The following DENND1B variants were observed in gnomAD, a reference collection of about 807,000 sequenced individuals.
DENND1B encodes the protein DENN domain-containing protein 1B.
A neutral mutation model predicts 90.1 loss-of-function variants in DENND1B; 59 were observed. The ratio of observed to expected loss-of-function variants is 0.65; its 90% confidence interval spans 0.53 to 0.81. The LOEUF (loss-of-function observed/expected upper bound fraction) is 0.81. Ranked by LOEUF, DENND1B falls within the 40% of genes least tolerant of loss-of-function variation. The pLI is 0.00. For missense variants in DENND1B, 862 were observed against 912.6 expected, an observed-to-expected ratio of 0.94 and a Z score of 0.71; for synonymous variants, 337 against 324.6, an observed-to-expected ratio of 1.04 and a Z score of -0.41.
chr1:197,590,124 G>C (rs188924696), intron 14 of DENND1B, among the ~76,000 whole-genome samples: 2 of 152,196 alleles, frequency 1.3e-5, no homozygotes, highest in East Asian at 1.9e-4. Context: ...AAGATGCTTT[G>C]TTTGTGGTTA....
At chr1:197,721,338 G>A (rs1019570556) in intron 2 of DENND1B, among the ~76,000 whole-genome samples, 1 of 151,824 alleles carries the variant, frequency 6.6e-6, no homozygotes, top group Non-Finnish European at 1.5e-5. Context: ...CAAAGTGCTG[G>A]GATTACAGGC....
At chr1:197,528,858 CAA>C (rs5779876) in intron 20 of DENND1B, among the ~76,000 whole-genome samples, 1 of 135,974 alleles carries the variant, frequency 7.4e-6, no homozygotes, top group East Asian at 2.1e-4. Flanking sequence ...AGACTCATCT[CAA>C]AAAAAAAAAA....
chr1:197,612,273 A>G (rs189433088), intron 11 of DENND1B, among the ~76,000 whole-genome samples: 4 of 150,782 alleles, frequency 2.7e-5, no homozygotes, highest in Admixed American at 2.7e-4. Context: ...TAAGAAGAAT[A>G]TCCAGGTCTA....
intron 15 of DENND1B, among the ~76,000 whole-genome samples, chr1:197,566,833 C>G (rs1049941045): frequency 6.6e-6 from 1 of 151,664 alleles, no homozygotes; most frequent in Non-Finnish European, 1.5e-5. Flanking sequence ...TGTATCTGAG[C>G]TTGGTCTTAA....
intron 15 of DENND1B, among the ~76,000 whole-genome samples, chr1:197,567,904 TCAC>T (rs1672816604): frequency 6.6e-6 from 1 of 152,032 alleles, no homozygotes; most frequent in Admixed American, 6.6e-5. Context: ...GTTCTCATTC[TCAC>T]CATTTCTTTT....
chr1:197,551,845 T>G (rs745646824), intron 16 of DENND1B, among the ~76,000 whole-genome samples: 1 of 152,118 alleles, frequency 6.6e-6, no homozygotes, highest in Non-Finnish European at 1.5e-5. Flanking sequence ...TGAAGCTAAA[T>G]TTTTACCCAT....
At chr1:197,705,541 G>A (rs1659443133) in intron 3 of DENND1B, among the ~76,000 whole-genome samples, 1 of 151,686 alleles carries the variant, frequency 6.6e-6, no homozygotes, top group Non-Finnish European at 1.5e-5. Context: ...AAAAATCCAA[G>A]CTGGACCTGA....
chr1:197,635,442 T>C (rs1679698768), intron 10 of DENND1B, among the ~76,000 whole-genome samples: 2 of 152,040 alleles, frequency 1.3e-5, no homozygotes, highest in Admixed American at 1.3e-4. Context: ...GCTCAAGCAA[T>C]CCTCCCACCT....
intron 2 of DENND1B, among the ~76,000 whole-genome samples, chr1:197,718,245 G>C (rs1362499604): frequency 2.6e-5 from 4 of 151,882 alleles, no homozygotes; most frequent in African/African-American, 9.7e-5. Context: ...AAAGAAAGAG[G>C]AAAAGTCCCT....
intron 5 of DENND1B, among the ~76,000 whole-genome samples, chr1:197,667,072 T>C (rs982541039): frequency 6.7e-6 from 1 of 149,464 alleles, no homozygotes; most frequent in African/African-American, 2.5e-5. Context: ...AGGCGGAGGC[T>C]ACAGTGAGCA....
At chr1:197,608,987 A>G (rs1159101955) in intron 12 of DENND1B, among the ~76,000 whole-genome samples, 1 of 150,484 alleles carries the variant, frequency 6.6e-6, no homozygotes, top group Non-Finnish European at 1.5e-5. Context: ...AATTTTTTTA[A>G]ATTTGGATTA....
At chr1:197,578,782 T>A (rs1356406344) in intron 15 of DENND1B, among the ~76,000 whole-genome samples, 1 of 152,160 alleles carries the variant, frequency 6.6e-6, no homozygotes, top group Non-Finnish European at 1.5e-5. Context: ...TCTTTCCTTA[T>A]ACCTATGTAA....
chr1:197,705,615 C>A (rs1659448466), intron 3 of DENND1B, among the ~76,000 whole-genome samples: 2 of 145,580 alleles, frequency 1.4e-5, no homozygotes, highest in Admixed American at 6.9e-5. Context: ...TAAAAATGCT[C>A]AGAGGCAGTT....
chr1:197,668,297 C>T (rs1655144500), intron 5 of DENND1B, among the ~76,000 whole-genome samples: 2 of 151,354 alleles, frequency 1.3e-5, no homozygotes, highest in African/African-American at 4.9e-5. Flanking sequence ...GAATTATGTG[C>T]CAGGCACTAT....
At chr1:197,596,629 C>T (rs1310723214) in intron 13 of DENND1B, among the ~76,000 whole-genome samples, 1 of 151,844 alleles carries the variant, frequency 6.6e-6, no homozygotes, top group Non-Finnish European at 1.5e-5. Context: ...TACACACATA[C>T]ATACACATGC....
chr1:197,706,256 A>G (rs1471974378), intron 3 of DENND1B, among the ~76,000 whole-genome samples: 1 of 152,202 alleles, frequency 6.6e-6, no homozygotes, highest in Non-Finnish European at 1.5e-5. Context: ...TCAGGCATCC[A>G]GCAAAAAGTA....
chr1:197,679,648 T>A (rs1430674062), intron 3 of DENND1B, among the ~76,000 whole-genome samples: 1 of 150,094 alleles, frequency 6.7e-6, no homozygotes, highest in Non-Finnish European at 1.5e-5. Context: ...CTAAATATTT[T>A]GTGTATGTAT....
chr1:197,548,482 A>ATGTT, intron 16 of DENND1B, among the ~76,000 whole-genome samples: 1 of 152,282 alleles, frequency 6.6e-6, no homozygotes, highest in East Asian at 1.9e-4. Context: ...CGATTAAACA[A>ATGTT]TGTTTAGTAT....
rs1308574108 is a variant in DENND1B at position 197,642,784 on chromosome 1, T to C, written c.599A>G (p.Asn200Ser). The change falls in exon 10 of 23, where the codon AAC (asparagine) becomes AGC (serine). Residue 200 changes from asparagine (N) to serine (S), a missense_variant. Asn to Ser is a conservative substitution (Grantham distance 46). Transcript: ENST00000620048. ...ACTGGCATACAGCTGCAGCATGTTGTTCACATCCACGGCAACAAAATATTC... is the reference window on the plus strand; with the variant it reads ...ACTGGCATACAGCTGCAGCATGTTGCTCACATCCACGGCAACAAAATATTC... ...LTEYFVAVDV[N>S]NMLQLYASML... is the part of the protein sequence containing the mutation. 1 of 1,613,544 alleles carries C rather than the reference T, an allele frequency of 6.2e-7. No individual in the cohort carries two copies. The highest frequency in any genetic ancestry group is 1.3e-5 in the African/African-American group (1 of 74,902).
Sources: allele counts gnomAD v4.1 joint callset (sites outside exome capture counted in the v4.1 genomes callset), GRCh38; gene constraint gnomAD v4.1.1; transcripts MANE v1.5; gene names NCBI Gene and HGNC (gene_info 2026-07-23, HGNC 2026-07-21).